AK4: variants seen among roughly 807,000 people sequenced by gnomAD.
The protein encoded by AK4 is adenylate kinase 4, mitochondrial.
Under a neutral mutation model 24.6 loss-of-function variants are expected in AK4, and 13 were observed. That is an observed-to-expected ratio of 0.53 (90% CI 0.34 to 0.84). The LOEUF (loss-of-function observed/expected upper bound fraction) is 0.84, where lower values mean the gene tolerates loss of function less well. AK4 is among the 40% of genes least tolerant of loss of function. AK4 has a pLI of 0.01. For missense variants in AK4, 192 were observed against 288.2 expected, an observed-to-expected ratio of 0.67 and a Z score of 2.42; for synonymous variants, 88 against 107.0, an observed-to-expected ratio of 0.82 and a Z score of 1.10.
chr1:65,190,581 A>G, intron 1 of AK4, 129 bp from the exon 2 acceptor site: 1 of 1,063,462 alleles, frequency 9.4e-7, no homozygotes, highest in Admixed American at 2.8e-5. Context: ...AACTTAAAAC[A>G]TGTCTACAAC....
intron 1 of AK4, among the ~76,000 whole-genome samples, chr1:65,162,408 T>C (rs941269065): frequency 6.6e-6 from 1 of 152,168 alleles, no homozygotes; most frequent in African/African-American, 2.4e-5. Flanking sequence ...TATAGGGCCT[T>C]GAGGCATGGC....
intron 1 of AK4, among the ~76,000 whole-genome samples, chr1:65,153,781 G>A (rs1407695710): frequency 5.3e-5 from 8 of 152,258 alleles, no homozygotes; most frequent in African/African-American, 1.4e-4. Flanking sequence ...CATTCATACC[G>A]TAAACAATGA....
At chr1:65,179,515 G>A (rs1047559683) in intron 1 of AK4, among the ~76,000 whole-genome samples, 24 of 152,292 alleles carry the variant, frequency 1.6e-4, no homozygotes, top group Middle Eastern at 3.4e-3. Context: ...ATAGATATTT[G>A]TGAGCATTTG....
At chr1:65,221,165 ATC>A (rs1652283961) in intron 3 of AK4, among the ~76,000 whole-genome samples, 1 of 152,248 alleles carries the variant, frequency 6.6e-6, no homozygotes, top group Non-Finnish European at 1.5e-5. Context: ...GATAAAGACT[ATC>A]TGATAAAGAC....
chr1:65,148,553 G>C lies in AK4; in HGVS notation c.145+1G>C. 6.3e-7 allele frequency: 1 copy of C among 1,599,534 alleles called. No homozygotes were observed. The highest frequency in any genetic ancestry group is 8.5e-7 in the Non-Finnish European group (1 of 1,173,082). On this transcript the variant is annotated splice_donor_variant, in intron 1 of 4. Coordinates refer to ENST00000327299, the MANE Select transcript of AK4 (RefSeq NM_013410.4). LOFTEE classifies it high-confidence loss of function. ...CGGGAGAACATCAAGGCCAGCACCG[G>C]TGAGGGGCTGCGGGGACGAGGGCCG...
rs182932917 is a variant in AK4, at chr1:65,191,527, G to A, written c.265+698G>A. On this transcript the variant is annotated intron_variant, in intron 2 of 4. Coordinates refer to ENST00000327299, the MANE Select transcript of AK4 (RefSeq NM_013410.4). ...AGATAGATGGTCCTCAGATAGATGA[G>A]TGGGGATAGGGAAGGTAGGTTTTTT... 3.8e-3 allele frequency among the ~76,000 whole-genome samples: 573 copies of A among 151,738 alleles called. 10 individuals are homozygous for A. The highest frequency in any genetic ancestry group is 0.035 in the Admixed American group (534 of 15,200).
At chr1:65,196,462 CTTGTT>C (rs1441019837) in intron 2 of AK4, among the ~76,000 whole-genome samples, 2 of 151,978 alleles carry the variant, frequency 1.3e-5, no homozygotes, top group Non-Finnish European at 2.9e-5. Flanking sequence ...AAGAAATATT[CTTGTT>C]TTGTTTTGTT....
At chr1:65,159,447 A>T (rs1325711015) in intron 1 of AK4, among the ~76,000 whole-genome samples, 1 of 151,348 alleles carries the variant, frequency 6.6e-6, no homozygotes, top group Non-Finnish European at 1.5e-5. Flanking sequence ...ACTTGAGCCC[A>T]GGAGTTAGAG....
intron 1 of AK4, among the ~76,000 whole-genome samples, chr1:65,150,271 TTCTC>T (rs72275469): frequency 0.1 from 12,961 of 129,740 alleles, 705 homozygotes; most frequent in Admixed American, 0.23. Context: ...TGTTCTCTCT[TTCTC>T]TCTCTCTCTC....
intron 1 of AK4, among the ~76,000 whole-genome samples, chr1:65,173,358 C>T (rs1158052473): frequency 6.6e-6 from 1 of 152,152 alleles, no homozygotes; most frequent in Admixed American, 6.5e-5. Flanking sequence ...TCCCTGTCCT[C>T]CAGCTTTATA....
In AK4 at chr1:65,224,858, T is replaced by C. The variant is rs1217887237; in HGVS notation, c.545T>C (p.Ile182Thr). Reference sequence around the variant, plus strand: ...TACAAAGACGTGGCAAAGCCAGTCATTGAATTATACAAGTGAGTGTGCTTC... The same window carrying C: ...TACAAAGACGTGGCAAAGCCAGTCACTGAATTATACAAGTGAGTGTGCTTC... ...RQYKDVAKPV[I>T]ELYKSRGVLH... The change falls in exon 4 of 5, where the codon ATT (isoleucine) becomes ACT (threonine). Residue 182 changes from isoleucine to threonine, a missense_variant. Ile to Thr is a moderately conservative substitution (Grantham distance 89). Coordinates refer to ENST00000327299, the MANE Select transcript of AK4 (RefSeq NM_013410.4). The C allele has an allele frequency of 3.1e-6, 5 of 1,612,784 alleles. No homozygotes were observed. The highest frequency in any genetic ancestry group is 3.3e-5 in the Admixed American group (2 of 59,996).
At chr1:65,208,060 C>T (rs757178877) in intron 2 of AK4, among the ~76,000 whole-genome samples, 1 of 152,090 alleles carries the variant, frequency 6.6e-6, no homozygotes, top group Non-Finnish European at 1.5e-5. Context: ...TGGGTGTATA[C>T]CCAATAATAG....
At chr1:65,150,285 C>CTTTTT (rs71703627) in intron 1 of AK4, among the ~76,000 whole-genome samples, 4 of 140,858 alleles carry the variant, frequency 2.8e-5, no homozygotes, top group African/African-American at 5.1e-5. Flanking sequence ...CTCTCTCTCT[C>CTTTTT]TTTTTTTTTT....
At chr1:65,222,489 G>T (rs1652328972) in intron 3 of AK4, among the ~76,000 whole-genome samples, 1 of 152,106 alleles carries the variant, frequency 6.6e-6, no homozygotes, top group Non-Finnish European at 1.5e-5. Flanking sequence ...AGTGGTAGCC[G>T]GATTCCCTGG....
intron 1 of AK4, among the ~76,000 whole-genome samples, chr1:65,152,384 ATTTTTTTTTTTTTTTTTTTT>A (rs552572978): frequency 2.4e-4 from 4 of 16,464 alleles, no homozygotes; most frequent in South Asian, 9.1e-3. Flanking sequence ...ATATATATAT[ATTTTTTTTTTTTTTTTTTTT>A]TTTTTTTTTT....
intron 1 of AK4, among the ~76,000 whole-genome samples, chr1:65,179,664 C>A (rs1650834200): frequency 6.6e-6 from 1 of 151,960 alleles, no homozygotes; most frequent in Non-Finnish European, 1.5e-5. Flanking sequence ...CATGATGAGA[C>A]CCCCATCTCT....
In AK4 at chr1:65,190,822, C is replaced by T; in HGVS notation, c.258C>T (p.Leu86=). 6.2e-7 allele frequency: 1 copy of T among 1,613,546 alleles called. No homozygotes were observed. The highest frequency in any genetic ancestry group is 8.5e-7 in the Non-Finnish European group (1 of 1,179,834). ...AGAACAGGCGTGGCCAGCACTGGCT[C>T]CTTGATGGTGAGTTGAAACTGTGGG... ...ELENRRGQHW[L]LDGFPRTLGQ... The change falls in exon 2 of 5, where the codon CTC becomes CTT. Residue 86 remains leucine (L), a synonymous_variant. Transcript: ENST00000327299.
intron 1 of AK4, among the ~76,000 whole-genome samples, chr1:65,157,136 C>T (rs1004656309): frequency 6.6e-6 from 1 of 152,114 alleles, no homozygotes; most frequent in Non-Finnish European, 1.5e-5. Flanking sequence ...GTTCTTCATT[C>T]AGTCTTTGGT....
intron 2 of AK4, among the ~76,000 whole-genome samples, chr1:65,195,118 T>C (rs755534122): frequency 2.0e-4 from 31 of 152,278 alleles, no homozygotes; most frequent in Admixed American, 3.9e-4. Flanking sequence ...GTTGGGAGCC[T>C]TCTTGCTGTG....
Sources: gnomAD v4.1 joint callset for allele counts (sites outside exome capture counted in the v4.1 genomes callset) on GRCh38, gnomAD v4.1.1 for gene constraint, MANE v1.5 for transcripts, NCBI Gene and HGNC (gene_info 2026-07-23, HGNC 2026-07-21) for gene names.